TMEM131: variants seen among roughly 807,000 people sequenced by gnomAD.
The protein encoded by TMEM131 is transmembrane protein 131, also known as 2610524E03Rik.
TMEM131 carries 66 observed loss-of-function variants against 211.6 expected under a neutral mutation model. The ratio of observed to expected loss-of-function variants is 0.31; its 90% confidence interval spans 0.26 to 0.38. The LOEUF is 0.38. Among genes scored for constraint, TMEM131 ranks in the 10% least tolerant of loss-of-function variants. TMEM131 has a pLI of 1.00. For missense variants in TMEM131, 2,036 were observed against 2,299.3 expected (o/e 0.89, Z 2.34); for synonymous variants, 844 against 841.3 (o/e 1.00, Z -0.06).
Position 97,792,484 on chromosome 2 carries a change from C to A in TMEM131, c.4046G>T (p.Ser1349Ile). Reference protein sequence around the residue: ...RHSSEDSDITSLIEAMDKDFD... With the variant: ...RHSSEDSDITILIEAMDKDFD... ...GTCTTTGTCCATGGCTTCTATGAGACTGGTGATGTCCGAGTCCTCGGAACT... is the reference window on the plus strand; with the variant it reads ...GTCTTTGTCCATGGCTTCTATGAGAATGGTGATGTCCGAGTCCTCGGAACT... The change falls in exon 31 of 41, where the codon AGT (serine) becomes ATT (isoleucine). Residue 1349 changes from serine to isoleucine, a missense_variant. This residue lies in a region of TMEM131 where 1,623 missense variants were observed against 1,805.9 expected (regional missense o/e 0.90). Transcript: ENST00000186436. 2 of 1,613,738 alleles carry A rather than the reference C, an allele frequency of 1.2e-6. No individual in the cohort carries two copies. The highest frequency in any genetic ancestry group is 1.7e-6 in the Non-Finnish European group (2 of 1,179,820).
At chr2:97,796,655 C>T (rs1053747646) in intron 27 of TMEM131, among the ~76,000 whole-genome samples, 189 bp downstream of exon 27, 6 of 152,098 alleles carry the variant, frequency 3.9e-5, no homozygotes, top group African/African-American at 1.4e-4. Context: ...GCAATGAGTG[C>T]AAACACTTTA....
chr2:97,758,225 C>A (rs1027763519), intron 40 of TMEM131, among the ~76,000 whole-genome samples: 1 of 151,878 alleles, frequency 6.6e-6, no homozygotes, highest in African/African-American at 2.4e-5. Context: ...ATGAAGACAA[C>A]CTTTGGAATC....
intron 4 of TMEM131, among the ~76,000 whole-genome samples, chr2:97,876,429 T>C (rs1213348247): frequency 1.3e-5 from 2 of 152,230 alleles, no homozygotes; most frequent in African/African-American, 4.8e-5. Context: ...CCAATATCCC[T>C]GATGAACACT....
intron 1 of TMEM131, among the ~76,000 whole-genome samples, chr2:97,934,898 T>C (rs1197197445): frequency 6.6e-6 from 1 of 152,002 alleles, no homozygotes; most frequent in Non-Finnish European, 1.5e-5. Context: ...AAATTTAAAA[T>C]GTAAAACTAT....
chr2:97,813,853 G>C, intron 15 of TMEM131, 118 bp downstream of exon 15: 1 of 808,500 alleles, frequency 1.2e-6, no homozygotes, highest in Non-Finnish European at 1.8e-6. Flanking sequence ...AGGAGAATTA[G>C]ATCAATTTGC....
chr2:97,925,638 C>T (rs1399471555), intron 2 of TMEM131, among the ~76,000 whole-genome samples: 1 of 152,146 alleles, frequency 6.6e-6, no homozygotes, highest in African/African-American at 2.4e-5. Context: ...GAGTATGGTA[C>T]TTACTGGACA....
intron 8 of TMEM131, among the ~76,000 whole-genome samples, chr2:97,835,152 T>C (rs1358391405): frequency 2.0e-5 from 3 of 152,170 alleles, no homozygotes; most frequent in African/African-American, 4.8e-5. Flanking sequence ...ATATGTAAGG[T>C]AGGCAAAGCA....
At chr2:97,796,037 G>GA (rs1441800733) in intron 28 of TMEM131, among the ~76,000 whole-genome samples, 181 bp downstream of exon 28, 5 of 151,342 alleles carry the variant, frequency 3.3e-5, no homozygotes, top group Admixed American at 3.3e-4. Flanking sequence ...AAGATTAAGT[G>GA]AAAAAAAATT....
At chr2:97,857,303 T>C (rs1673888313) in intron 5 of TMEM131, among the ~76,000 whole-genome samples, 1 of 152,150 alleles carries the variant, frequency 6.6e-6, no homozygotes, top group African/African-American at 2.4e-5. Context: ...TCTCTTCGAA[T>C]GGGTCACATG....
chr2:97,924,542 A>T (rs1279578376), intron 2 of TMEM131, among the ~76,000 whole-genome samples: 1 of 152,166 alleles, frequency 6.6e-6, no homozygotes, highest in African/African-American at 2.4e-5. Context: ...TGCCTGTGGT[A>T]CACCTGGCCC....
intron 31 of TMEM131, among the ~76,000 whole-genome samples, chr2:97,779,102 T>G (rs1482734072): frequency 6.6e-6 from 1 of 152,172 alleles, no homozygotes; most frequent in African/African-American, 2.4e-5. Context: ...CTCAGAGAGA[T>G]TCTGACTCAA....
At chr2:97,952,526 C>T (rs1304029121) in intron 1 of TMEM131, among the ~76,000 whole-genome samples, 2 of 152,070 alleles carry the variant, frequency 1.3e-5, no homozygotes, top group Non-Finnish European at 2.9e-5. Flanking sequence ...CATGAAAGTG[C>T]AAAAGGAGTG....
chr2:97,803,784 G>A (rs1314060286), intron 22 of TMEM131, among the ~76,000 whole-genome samples: 3 of 152,146 alleles, frequency 2.0e-5, no homozygotes, highest in Non-Finnish European at 4.4e-5. Context: ...TGGGTAGGAG[G>A]TGAAGAGGCC....
At chr2:97,940,058 C>T (rs1159882399) in intron 1 of TMEM131, among the ~76,000 whole-genome samples, 3 of 152,124 alleles carry the variant, frequency 2.0e-5, no homozygotes, top group Admixed American at 6.5e-5. Context: ...AAACCCACAG[C>T]CAGTATCATA....
In TMEM131 at chr2:97,802,518, T is replaced by C; in HGVS notation, c.2561A>G (p.Glu854Gly). The C allele has an allele frequency of 6.2e-7, 1 of 1,611,318 alleles. No individual in the cohort carries two copies. Among genetic ancestry groups the C allele is most frequent in the Non-Finnish European group, 8.5e-7 (1 of 1,179,004 alleles). Residue 854 changes from glutamate to glycine, a missense_variant, in exon 24 of 41, where the codon GAA becomes GGA. Transcript: ENST00000186436. Reference protein sequence around the residue: ...NCSSEEEITLENPADVPVYVQ... With the variant: ...NCSSEEEITLGNPADVPVYVQ... ...ATAGACAGGAACATCTGCAGGATTT[T>C]CTAAAGTAATCTCTTCTTCCTTAAA...
chr2:97,791,022 C>T (rs1319532228), intron 31 of TMEM131, among the ~76,000 whole-genome samples: 1 of 152,096 alleles, frequency 6.6e-6, no homozygotes, highest in African/African-American at 2.4e-5. Context: ...AAATTGAAGC[C>T]CAAAACTCCT....
At chr2:97,870,310 A>G (rs1234561293) in intron 4 of TMEM131, among the ~76,000 whole-genome samples, 1 of 152,168 alleles carries the variant, frequency 6.6e-6, no homozygotes, top group Non-Finnish European at 1.5e-5. Flanking sequence ...TCTATCTTAG[A>G]ATTCTGCCTA....
At chr2:97,807,331 A>G (rs1681353020) in intron 19 of TMEM131, among the ~76,000 whole-genome samples, 1 of 152,210 alleles carries the variant, frequency 6.6e-6, no homozygotes. Context: ...TGTCTGGGCC[A>G]CAGGGGTGGA....
In TMEM131 at chr2:97,797,483, C is replaced by T; in HGVS notation, c.2752G>A (p.Glu918Lys). 6.2e-7 allele frequency: 1 copy of T among 1,613,534 alleles called. No individual in the cohort carries two copies. The highest frequency in any genetic ancestry group is 8.5e-7 in the Non-Finnish European group (1 of 1,179,638). ...AAAATTAAATGTCGAGAGAGGCCCT[C>T]CATAAATCCTGTTGAACTCTGCAGT... ...HPLQSSTGFM[E>K]GLSRHLILNL... The change falls in exon 26 of 41, where the codon GAG becomes AAG. Residue 918 changes from glutamate (E) to lysine (K), a missense_variant. Transcript: ENST00000186436.
Sources: gnomAD v4.1 joint callset for allele counts (sites outside exome capture counted in the v4.1 genomes callset) on GRCh38, gnomAD v4.1.1 for gene constraint, gnomAD v4.1.1 regional missense constraint, MANE v1.5 for transcripts, NCBI Gene and HGNC (gene_info 2026-07-23, HGNC 2026-07-21) for gene names.